Variants in RSF1 observed in about 807,000 individuals in gnomAD.
RSF1 encodes the protein remodeling and spacing factor 1.
Under a neutral mutation model 145.2 loss-of-function variants are expected in RSF1, and 13 were observed. The ratio of observed to expected loss-of-function variants is 0.09; its 90% CI spans 0.06 to 0.14. RSF1 has a LOEUF of 0.14. Ranked by LOEUF, RSF1 falls within the 10% of genes least tolerant of loss-of-function variation. The pLI is 1.00. For missense variants in RSF1, 1,517 were observed against 1,718.2 expected (o/e 0.88, Z 2.07); for synonymous variants, 577 against 592.6 (o/e 0.97, Z 0.38).
chr11:77,798,121 T>C (rs1207424482), intron 1 of RSF1, among the ~76,000 whole-genome samples: 2 of 152,186 alleles, frequency 1.3e-5, no homozygotes, highest in African/African-American at 2.4e-5. Context: ...GGTCTAGAAC[T>C]AGAAATACCA....
Position 77,664,612 on chromosome 11 carries a change from A to T in RSF1, c.*2305T>A, listed in dbSNP as rs952116923. On this transcript the variant is annotated 3_prime_UTR_variant, in exon 16 of 16. Transcript: ENST00000308488. ...CAGAGGTAGAGACAGGGCACATGGG[A>T]GAGTTTCCACACAATAGTGGCTTTA... 6.6e-6 allele frequency: 1 copy of T among 152,212 alleles called. No homozygotes were observed. The highest frequency in any genetic ancestry group is 2.4e-5 in the African/African-American group (1 of 41,448). The allele number at this position is 152,212 out of a possible 1,614,324, so 9.4% of individuals were successfully genotyped here.
rs1228970010 is a variant in RSF1 at position 77,736,193 on chromosome 11, C to T, written c.578+4538G>A. On this transcript the variant is annotated intron_variant, in intron 4 of 15. Transcript: ENST00000308488. Reference sequence around the variant, plus strand: ...CCTGCAATGTAAAAGGAAAAACAAACGTTCTTGCTCCTGTCAAATTCAGTT... The same window carrying T: ...CCTGCAATGTAAAAGGAAAAACAAATGTTCTTGCTCCTGTCAAATTCAGTT... 2.6e-5 allele frequency among the ~76,000 whole-genome samples: 4 copies of T among 152,190 alleles called. No homozygotes were observed. In the East Asian group the frequency reaches 7.7e-4, roughly 29 times the overall value.
At chr11:77,844,338 A>T in the RSF1 span, among the ~76,000 whole-genome samples, 2 of 152,036 alleles carry the variant, frequency 1.3e-5, no homozygotes, top group Non-Finnish European at 2.9e-5. Flanking sequence ...CCATTGCAGC[A>T]AATTTTTTTT....
chr11:77,839,217 C>T, the RSF1 span, among the ~76,000 whole-genome samples: 1 of 152,088 alleles, frequency 6.6e-6, no homozygotes, highest in African/African-American at 2.4e-5. Flanking sequence ...TTGCTCACTG[C>T]AGCCTCAAAC....
chr11:77,743,147 A>C (rs1488003406), intron 3 of RSF1, among the ~76,000 whole-genome samples: 2 of 152,136 alleles, frequency 1.3e-5, no homozygotes, highest in African/African-American at 4.8e-5. Flanking sequence ...ACTATAACTC[A>C]GTAGATTTTT....
chr11:77,675,307 C>T, intron 13 of RSF1, 51 bp from the exon 14 acceptor site: 1 of 1,455,360 alleles, frequency 6.9e-7, no homozygotes, highest in Non-Finnish European at 9.3e-7. Context: ...AGAGTGAACC[C>T]ATTTTTAAGA....
the RSF1 span, among the ~76,000 whole-genome samples, chr11:77,839,987 A>G: frequency 6.6e-6 from 1 of 152,170 alleles, no homozygotes; most frequent in Non-Finnish European, 1.5e-5. Flanking sequence ...AAGATGTTAC[A>G]TGCATATAAC....
intron 1 of RSF1, among the ~76,000 whole-genome samples, chr11:77,820,073 T>C (rs1948838526): frequency 6.6e-6 from 1 of 152,100 alleles, no homozygotes; most frequent in Admixed American, 6.5e-5. Context: ...GAGCCCAGCC[T>C]TCCCCGAGAT....
chr11:77,843,005 T>C, the RSF1 span, among the ~76,000 whole-genome samples: 122 of 152,358 alleles, frequency 8.0e-4, 2 homozygotes, highest in South Asian at 0.024. Flanking sequence ...GGATGTTTTC[T>C]ATAAATTACA....
chr11:77,765,833 C>T (rs1259763496), intron 1 of RSF1, among the ~76,000 whole-genome samples: 1 of 152,138 alleles, frequency 6.6e-6, no homozygotes, highest in African/African-American at 2.4e-5. Flanking sequence ...CTGTAATCTC[C>T]GCCTCCTGGG....
intron 4 of RSF1, among the ~76,000 whole-genome samples, chr11:77,726,524 C>A (rs960686001): frequency 1.3e-5 from 2 of 152,062 alleles, no homozygotes; most frequent in Admixed American, 1.3e-4. Flanking sequence ...AATTTAAATG[C>A]CACTTACAAC....
intron 2 of RSF1, among the ~76,000 whole-genome samples, chr11:77,759,855 T>TAAAAAA (rs11409466): frequency 7.4e-6 from 1 of 134,282 alleles, no homozygotes. Context: ...TGATGCATGT[T>TAAAAAA]AAAAAAAAAA....
intron 1 of RSF1, among the ~76,000 whole-genome samples, chr11:77,776,329 T>C (rs1348846076): frequency 6.6e-6 from 1 of 152,238 alleles, no homozygotes; most frequent in East Asian, 1.9e-4. Context: ...GTTTCTTTTA[T>C]AGAAAATTCT....
Position 77,660,556 on chromosome 11 carries a change from C to T in RSF1, c.*6361G>A, listed in dbSNP as rs993121215. The stretch of plus-strand genomic sequence containing the variant: ...GCTTTAAATCTCATCTCCTAGAAAC[C>T]AAATAAAACATTCTGAGAACCTATT... On this transcript the variant is annotated 3_prime_UTR_variant, in exon 16 of 16. Coordinates refer to ENST00000308488, the MANE Select transcript of RSF1 (RefSeq NM_016578.4). The T allele has an allele frequency of 6.6e-6, 1 of 152,046 alleles. No homozygotes were observed. Among genetic ancestry groups the T allele is most frequent in the Non-Finnish European group, 1.5e-5 (1 of 68,000 alleles). The allele number at this position is 152,046 out of a possible 1,614,324, so 9.4% of individuals were successfully genotyped here.
the RSF1 span, chr11:77,840,985 A>G: frequency 3.9e-6 from 2 of 510,086 alleles, no homozygotes; most frequent in Non-Finnish European, 7.0e-6. Context: ...GGGTAATTTA[A>G]AATTTATAAT....
At chr11:77,817,406 G>T (rs1374278229) in intron 1 of RSF1, among the ~76,000 whole-genome samples, 1 of 152,160 alleles carries the variant, frequency 6.6e-6, no homozygotes, top group African/African-American at 2.4e-5. Flanking sequence ...TAAAAAACCA[G>T]CTTCACAAAG....
intron 1 of RSF1, among the ~76,000 whole-genome samples, chr11:77,796,570 C>A (rs1218994693): frequency 1.3e-5 from 2 of 152,142 alleles, no homozygotes; most frequent in African/African-American, 2.4e-5. Context: ...CAGGCAAAAA[C>A]TGGAAGCATT....
At chr11:77,783,218 T>G (rs565239966) in intron 1 of RSF1, among the ~76,000 whole-genome samples, 1 of 152,358 alleles carries the variant, frequency 6.6e-6, no homozygotes, top group South Asian at 2.1e-4. Flanking sequence ...TCCTTAGTAC[T>G]AGAGCTTTCA....
At chr11:77,871,742 C>T in the RSF1 span, among the ~76,000 whole-genome samples, 1 of 152,214 alleles carries the variant, frequency 6.6e-6, no homozygotes, top group East Asian at 1.9e-4. Context: ...CTAACTCAAA[C>T]ATTTAACATT....
Sources: gnomAD v4.1 joint callset for allele counts (sites outside exome capture counted in the v4.1 genomes callset) on GRCh38, gnomAD v4.1.1 for gene constraint, MANE v1.5 for transcripts, NCBI Gene and HGNC (gene_info 2026-07-23, HGNC 2026-07-21) for gene names.